The following GLMN variants were observed in gnomAD, a reference collection of about 807,000 sequenced individuals.
GLMN encodes the protein glomulin, FKBP associated protein.
In GLMN, 75 loss-of-function variants were observed where a neutral mutation model predicts 87.8. The observed-to-expected ratio is 0.85, with a 90% confidence interval of 0.71 to 1.04. GLMN has a LOEUF of 1.04. Among genes scored for constraint, GLMN ranks in the 50% least tolerant of loss-of-function variants. The pLI is 0.00. For synonymous variants in GLMN, 206 were observed against 221.6 expected (o/e 0.93, Z 0.63); for missense variants, 588 against 658.8 (o/e 0.89, Z 1.18).
chr1:92,298,898 C>T (rs1488313664), intron 1 of GLMN, 27 bp downstream of exon 1: 1 of 432,486 alleles, frequency 2.3e-6, no homozygotes, highest in Non-Finnish European at 4.1e-6. Flanking sequence ...CCCTGGCCAC[C>T]CTGAACCTCT....
chr1:92,312,263 A>AAAAATAC, the GLMN span, among the ~76,000 whole-genome samples: 1 of 152,142 alleles, frequency 6.6e-6, no homozygotes, highest in East Asian at 1.9e-4. Flanking sequence ...TTAAAAAATA[A>AAAAATAC]AAAATTAGCT....
At chr1:92,299,364 C>G (rs12739168), upstream of GLMN, among the ~76,000 whole-genome samples, 24 of 152,174 alleles carry the variant, frequency 1.6e-4, no homozygotes, top group Non-Finnish European at 3.2e-4. Flanking sequence ...AGATTTCCCT[C>G]ACGCGGACTG....
upstream of GLMN, among the ~76,000 whole-genome samples, chr1:92,302,320 G>A (rs6689366): frequency 0.48 from 71,044 of 147,942 alleles, 17,938 homozygotes; most frequent in East Asian, 0.96. Context: ...AGAAAAATGA[G>A]GATGGGGGAG....
At chr1:92,349,488 TGACCAAAAC>T in the GLMN span, among the ~76,000 whole-genome samples, 6 of 152,216 alleles carry the variant, frequency 3.9e-5, no homozygotes, top group Non-Finnish European at 5.9e-5. Flanking sequence ...ATCAACATTT[TGACCAAAAC>T]ATGATAGTCC....
chr1:92,302,906 A>C (rs1006625079), upstream of GLMN, among the ~76,000 whole-genome samples: 1 of 151,762 alleles, frequency 6.6e-6, no homozygotes, highest in African/African-American at 2.4e-5. Context: ...GGCCCGCATT[A>C]ATTTTTTTTT....
chr1:92,264,673 C>A (rs759578483), intron 13 of GLMN, 35 bp from the exon 14 acceptor site: 2 of 1,067,588 alleles, frequency 1.9e-6, no homozygotes, highest in East Asian at 2.4e-5. Flanking sequence ...GTGAAATTAT[C>A]CTGGACAGCA....
intron 16 of GLMN, among the ~76,000 whole-genome samples, chr1:92,259,603 C>T (rs1654737475): frequency 6.6e-6 from 1 of 152,114 alleles, no homozygotes; most frequent in South Asian, 2.1e-4. Flanking sequence ...GTCTGCTTTT[C>T]ATCTGACTAA....
At position 92,286,374 on chromosome 1, in the gene GLMN, G is replaced by A. The variant is rs924503973; in HGVS notation, c.735+116C>T. The A allele has an allele frequency of 1.4e-5, 8 of 557,134 alleles. No homozygotes were observed. The South Asian group carries it at 2.1e-4, about 15-fold the overall frequency. The allele number at this position is 557,134 out of a possible 1,614,324, so 34.5% of individuals were successfully genotyped here. On this transcript the variant is annotated intron_variant, in intron 7 of 18. Transcript: ENST00000370360. Reference sequence around the variant, plus strand: ...TATTTTCCATCTTTTGTTTATGTGTGTTCTACAAAAAATACACATTTCTTT... The same window carrying A: ...TATTTTCCATCTTTTGTTTATGTGTATTCTACAAAAAATACACATTTCTTT...
intron 3 of GLMN, among the ~76,000 whole-genome samples, chr1:92,293,696 G>T (rs1461815881): frequency 6.6e-6 from 1 of 152,092 alleles, no homozygotes; most frequent in Non-Finnish European, 1.5e-5. Context: ...TCTCAGATAT[G>T]GAAGCAACCT....
intron 3 of GLMN, among the ~76,000 whole-genome samples, chr1:92,294,063 A>G (rs538879719): frequency 2.0e-5 from 3 of 152,280 alleles, no homozygotes; most frequent in Non-Finnish European, 4.4e-5. Flanking sequence ...CAGGGTGACT[A>G]TAGTCAATAA....
the GLMN span, among the ~76,000 whole-genome samples, chr1:92,322,040 G>A: frequency 2.0e-5 from 3 of 149,198 alleles, no homozygotes; most frequent in African/African-American, 7.4e-5. Context: ...CTGCCACCTG[G>A]GTTCAAGCAG....
At chr1:92,271,323 G>T in intron 8 of GLMN, 142 bp downstream of exon 8, 1 of 703,458 alleles carries the variant, frequency 1.4e-6, no homozygotes, top group Non-Finnish European at 2.5e-6. Flanking sequence ...ATTATAGCTG[G>T]GATCATTCTT....
At chr1:92,318,818 T>C in the GLMN span, among the ~76,000 whole-genome samples, 3 of 152,334 alleles carry the variant, frequency 2.0e-5, no homozygotes, top group East Asian at 1.9e-4. Context: ...AGCAGTCTTA[T>C]AGTAATTGGT....
upstream of GLMN, chr1:92,301,703 T>A: frequency 2.2e-6 from 1 of 454,282 alleles, no homozygotes; most frequent in African/African-American, 2.0e-5. Context: ...AGTCATTAGA[T>A]GCAGATAACA....
the GLMN span, among the ~76,000 whole-genome samples, chr1:92,367,241 A>G: frequency 6.6e-6 from 1 of 152,238 alleles, no homozygotes; most frequent in Non-Finnish European, 1.5e-5. Context: ...CCTCAAATAT[A>G]ACCGTATAGC....
intron 7 of GLMN, among the ~76,000 whole-genome samples, chr1:92,278,188 TC>T (rs1029938048): frequency 1.3e-5 from 2 of 152,210 alleles, no homozygotes; most frequent in African/African-American, 4.8e-5. Context: ...GTTTGGTTTT[TC>T]TACATCACCA....
the GLMN span, chr1:92,324,184 G>T: frequency 6.2e-7 from 1 of 1,614,096 alleles, no homozygotes; most frequent in Non-Finnish European, 8.5e-7. Flanking sequence ...TCATTTCCCT[G>T]CCTGGAGGGA....
chr1:92,346,489 T>C, the GLMN span, among the ~76,000 whole-genome samples: 1 of 152,156 alleles, frequency 6.6e-6, no homozygotes, highest in South Asian at 2.1e-4. Flanking sequence ...AAGAGACAAA[T>C]ATCCTCATGT....
At chr1:92,345,907 C>G in the GLMN span, 1 of 1,600,198 alleles carries the variant, frequency 6.2e-7, no homozygotes, top group South Asian at 1.1e-5. Context: ...TATGGTGTTG[C>G]TGTCATTGTA....
Sources: gnomAD v4.1 joint callset for allele counts (sites outside exome capture counted in the v4.1 genomes callset) on GRCh38, gnomAD v4.1.1 for gene constraint, MANE v1.5 for transcripts, NCBI Gene and HGNC (gene_info 2026-07-23, HGNC 2026-07-21) for gene names.